Variants in CSMD1 observed in about 807,000 individuals in gnomAD.
CSMD1 encodes CUB and Sushi multiple domains 1.
A neutral mutation model predicts 417.5 loss-of-function variants in CSMD1; 213 were observed. That is an observed-to-expected ratio of 0.51 (90% CI 0.46 to 0.57). The LOEUF is 0.57. Among genes scored for constraint, CSMD1 ranks in the 20% least tolerant of loss-of-function variants. CSMD1 has a pLI of 0.00. For missense variants in CSMD1, 6,923 were observed against 4,529.7 expected, an observed-to-expected ratio of 1.53 and a Z score of -15.17; for synonymous variants, 2,862 against 1,736.8, an observed-to-expected ratio of 1.65 and a Z score of -16.11.
intron 2 of CSMD1, among the ~76,000 whole-genome samples, chr8:4,598,000 A>G (rs114261226): frequency 0.033 from 5,068 of 151,560 alleles, 296 homozygotes; most frequent in African/African-American, 0.12. Context: ...TAAATTATAT[A>G]TAAAATAGAT....
chr8:3,185,396 C>A (rs960329306), intron 36 of CSMD1, among the ~76,000 whole-genome samples: 7 of 152,126 alleles, frequency 4.6e-5, no homozygotes, highest in African/African-American at 1.4e-4. Context: ...CATTTCCCTG[C>A]TAACTTTGGC....
chr8:4,279,450 G>A (rs1302439000), intron 3 of CSMD1, among the ~76,000 whole-genome samples: 1 of 152,172 alleles, frequency 6.6e-6, no homozygotes, highest in East Asian at 1.9e-4. Context: ...AAGATTCCAA[G>A]TCCCAGTAGC....
intron 18 of CSMD1, among the ~76,000 whole-genome samples, chr8:3,380,668 T>A (rs1810574918): frequency 6.6e-6 from 1 of 152,030 alleles, no homozygotes; most frequent in African/African-American, 2.4e-5. Flanking sequence ...ATGTTCTCAC[T>A]CATAAGAGGG....
At chr8:3,772,240 TATAG>T (rs1247144543) in intron 5 of CSMD1, among the ~76,000 whole-genome samples, 4 of 107,700 alleles carry the variant, frequency 3.7e-5, no homozygotes, top group East Asian at 3.0e-4. Context: ...CATATTTATA[TATAG>T]ATATATACAT....
At chr8:4,894,718 G>GTT (rs1172827689) in intron 1 of CSMD1, among the ~76,000 whole-genome samples, 3 of 151,872 alleles carry the variant, frequency 2.0e-5, no homozygotes, top group Non-Finnish European at 4.4e-5. Flanking sequence ...GTGTGTGTGT[G>GTT]TGTGTCTGAG....
chr8:4,206,259 T>A (rs922054268), intron 3 of CSMD1, among the ~76,000 whole-genome samples: 1 of 152,196 alleles, frequency 6.6e-6, no homozygotes, highest in Non-Finnish European at 1.5e-5. Context: ...GTTTGTTACA[T>A]ATGTATACAT....
intron 10 of CSMD1, among the ~76,000 whole-genome samples, chr8:3,569,661 T>C (rs1044434205): frequency 6.6e-6 from 1 of 152,216 alleles, no homozygotes; most frequent in African/African-American, 2.4e-5. Context: ...TTATGTTCAA[T>C]ACGTAATACA....
At chr8:3,763,937 T>C (rs6992162) in intron 5 of CSMD1, among the ~76,000 whole-genome samples, 147,397 of 152,198 alleles carry the variant, frequency 0.97, 71,529 homozygotes, top group South Asian at 1. Flanking sequence ...AATCAAAAGA[T>C]CCCATAACTC....
intron 2 of CSMD1, among the ~76,000 whole-genome samples, chr8:4,560,319 G>T (rs569991126): frequency 3.2e-4 from 48 of 152,158 alleles, no homozygotes; most frequent in Non-Finnish European, 5.9e-4. Context: ...GACAAAACAG[G>T]ATACAGCACG....
intron 3 of CSMD1, among the ~76,000 whole-genome samples, chr8:4,122,885 A>G (rs1243324826): frequency 6.6e-6 from 1 of 152,246 alleles, no homozygotes; most frequent in Non-Finnish European, 1.5e-5. Flanking sequence ...CAACTCCTGA[A>G]GAAACTAATA....
At chr8:4,727,028 G>T (rs1258105815) in intron 1 of CSMD1, among the ~76,000 whole-genome samples, 2 of 152,112 alleles carry the variant, frequency 1.3e-5, no homozygotes, top group African/African-American at 4.8e-5. Context: ...CAGCAGAAAG[G>T]TCATCCAACT....
intron 40 of CSMD1, among the ~76,000 whole-genome samples, chr8:3,144,898 C>G (rs564535089): frequency 2.5e-4 from 38 of 152,042 alleles, no homozygotes; most frequent in Non-Finnish European, 2.6e-4. Flanking sequence ...GCTGTGACAG[C>G]TGCGCTCCTG....
intron 7 of CSMD1, among the ~76,000 whole-genome samples, chr8:3,697,331 T>C (rs1800609056): frequency 6.6e-6 from 1 of 152,208 alleles, no homozygotes; most frequent in Non-Finnish European, 1.5e-5. Flanking sequence ...TAAAATGTGT[T>C]TTAAATAAAA....
At position 4,675,714 on chromosome 8, in the gene CSMD1, G is replaced by A. The variant is rs143794371; in HGVS notation, c.86-38156C>T. Among the ~76,000 whole-genome samples, 22 of 151,922 alleles carry A rather than the reference G, an allele frequency of 1.4e-4. 1 individual carries two copies. The East Asian group carries it at 4.2e-3, about 29-fold the overall frequency. On this transcript the variant is annotated intron_variant, in intron 1 of 69. Coordinates refer to ENST00000635120, the MANE Select transcript of CSMD1 (RefSeq NM_033225.6). ...AAGAGTTATATTTGGTATTTTTTTT[G>A]CATATTTTCCCTATTCATCTGTACT...
rs1554490216 is a variant in CSMD1, at chr8:3,262,230, T to TACACAC, written c.4153+21908_4153+21913dup. Reference sequence around the variant, plus strand: ...ATATATATATATATATATATATATATACACACACATAGTTAATTTCAAAAT... The same window carrying TACACAC: ...ATATATATATATATATATATATATATACACACACACACACATAGTTAATTTCAAAAT... On this transcript the variant is annotated intron_variant, in intron 26 of 69. Coordinates refer to ENST00000635120, the MANE Select transcript of CSMD1 (RefSeq NM_033225.6). Among the ~76,000 whole-genome samples, 944 of 95,602 alleles carry TACACAC rather than the reference T, an allele frequency of 9.9e-3. 35 individuals carry two copies. Among genetic ancestry groups the TACACAC allele is most frequent in the Non-Finnish European group, 0.012 (584 of 49,110 alleles). 62.7% of individuals were successfully genotyped at this position (95,602 alleles called of 152,430 possible).
chr8:4,569,567 T>G (rs548432462), intron 2 of CSMD1, among the ~76,000 whole-genome samples: 16 of 152,328 alleles, frequency 1.1e-4, no homozygotes, highest in African/African-American at 3.6e-4. Flanking sequence ...TAGTTTGAAG[T>G]CAGGTAGTAT....
chr8:3,911,379 T>TACAAAAA, intron 5 of CSMD1, among the ~76,000 whole-genome samples: 1 of 151,694 alleles, frequency 6.6e-6, no homozygotes, highest in Non-Finnish European at 1.5e-5. Flanking sequence ...ATACAAAAAA[T>TACAAAAA]TAGCTGGGTA....
At chr8:3,366,688 C>T (rs1440542944) in intron 20 of CSMD1, among the ~76,000 whole-genome samples, 2 of 152,134 alleles carry the variant, frequency 1.3e-5, no homozygotes, top group African/African-American at 4.8e-5. Context: ...CCAGAGGATG[C>T]CTCCCAATAA....
At chr8:4,214,872 T>TA (rs1800539933) in intron 3 of CSMD1, among the ~76,000 whole-genome samples, 9 of 151,626 alleles carry the variant, frequency 5.9e-5, no homozygotes, top group Non-Finnish European at 1.5e-5. Context: ...TAGCGTTTTT[T>TA]TAAAAAAATG....
Sources: allele counts gnomAD v4.1 joint callset (sites outside exome capture counted in the v4.1 genomes callset), GRCh38; gene constraint gnomAD v4.1.1; transcripts MANE v1.5; gene names NCBI Gene and HGNC (gene_info 2026-07-23, HGNC 2026-07-21).